RAD54B: variants seen among roughly 807,000 people sequenced by gnomAD.
RAD54B encodes RAD54 homolog B, also known as DNA repair and recombination protein RAD54B.
RAD54B carries 78 observed loss-of-function variants against 95.8 expected under a neutral mutation model. The observed-to-expected ratio is 0.81, with a 90% CI of 0.68 to 0.98. The LOEUF (loss-of-function observed/expected upper bound fraction) is 0.98. Ranked by LOEUF, RAD54B falls within the 50% of genes least tolerant of loss-of-function variation. RAD54B has a pLI of 0.00. For synonymous variants in RAD54B, 328 were observed against 354.9 expected, an observed-to-expected ratio of 0.92 and a Z score of 0.85; for missense variants, 957 against 1,056.6, an observed-to-expected ratio of 0.91 and a Z score of 1.31.
At chr8:94,391,956 T>A (rs1811034397) in intron 9 of RAD54B, 57 bp from the exon 10 acceptor site, 1 of 1,412,614 alleles carries the variant, frequency 7.1e-7, no homozygotes, top group African/African-American at 1.4e-5. Context: ...ACACTTAAAA[T>A]GAACATTAAA....
At chr8:94,400,708 T>C (rs2130009565) in intron 6 of RAD54B, among the ~76,000 whole-genome samples, 1 of 152,340 alleles carries the variant, frequency 6.6e-6, no homozygotes, top group South Asian at 2.1e-4. Context: ...CTATTACATG[T>C]ACATATTTAG....
intron 14 of RAD54B, among the ~76,000 whole-genome samples, chr8:94,377,975 C>T (rs1157356479): frequency 1.3e-5 from 1 of 77,140 alleles, no homozygotes; most frequent in East Asian, 3.7e-4. Flanking sequence ...GACTCCGTCT[C>T]AAAAAAAAAA....
chr8:94,458,632 C>T (rs1290727002), intron 2 of RAD54B, among the ~76,000 whole-genome samples, 196 bp from the exon 3 acceptor site: 2 of 152,064 alleles, frequency 1.3e-5, no homozygotes, highest in Non-Finnish European at 2.9e-5. Context: ...TTTGGGAGGC[C>T]GAGGCGGGTG....
intron 10 of RAD54B, among the ~76,000 whole-genome samples, chr8:94,389,815 G>A (rs1484344733): frequency 1.3e-5 from 2 of 152,152 alleles, no homozygotes; most frequent in African/African-American, 4.8e-5. Context: ...TATAAATTAT[G>A]TACCCTATTT....
At chr8:94,392,764 A>ATT (rs34856809) in intron 9 of RAD54B, among the ~76,000 whole-genome samples, 4,104 of 72,518 alleles carry the variant, frequency 0.057, 197 homozygotes, top group South Asian at 0.11. Context: ...CACCTGGCTG[A>ATT]TTTTTTTTTT....
chr8:94,409,662 T>C (rs1204063324), intron 4 of RAD54B, among the ~76,000 whole-genome samples: 1 of 152,058 alleles, frequency 6.6e-6, no homozygotes, highest in African/African-American at 2.4e-5. Context: ...CACTACACCC[T>C]TAAAAGCACC....
intron 11 of RAD54B, 54 bp from the exon 12 acceptor site, chr8:94,380,460 TTC>T: frequency 4.6e-6 from 7 of 1,513,722 alleles, no homozygotes; most frequent in Non-Finnish European, 6.2e-6. Flanking sequence ...GCATTAGATT[TTC>T]TTAGTTGAAA....
At chr8:94,438,312 G>A (rs995908141) in intron 3 of RAD54B, among the ~76,000 whole-genome samples, 9 of 152,180 alleles carry the variant, frequency 5.9e-5, no homozygotes, top group South Asian at 4.1e-4. Flanking sequence ...GATGTTCTAC[G>A]GAATGCTAGA....
chr8:94,429,584 A>G, intron 3 of RAD54B: 1 of 983,404 alleles, frequency 1.0e-6, no homozygotes, highest in Non-Finnish European at 1.2e-6. Flanking sequence ...ATTTCAAAAA[A>G]TAAAGCTTAC....
At chr8:94,465,466 C>A (rs950708198) in intron 2 of RAD54B, among the ~76,000 whole-genome samples, 1 of 152,142 alleles carries the variant, frequency 6.6e-6, no homozygotes, top group Non-Finnish European at 1.5e-5. Context: ...TACCACTTCA[C>A]AACTACTGAG....
chr8:94,411,398 A>G (rs774069822), intron 3 of RAD54B, 83 bp from the exon 4 acceptor site: 32 of 1,038,610 alleles, frequency 3.1e-5, no homozygotes, highest in Non-Finnish European at 4.2e-5. Context: ...ACCAAAAGGC[A>G]CAAGAAAATT....
intron 3 of RAD54B, among the ~76,000 whole-genome samples, chr8:94,425,774 C>T (rs1239674213): frequency 5.3e-5 from 8 of 149,582 alleles, no homozygotes; most frequent in African/African-American, 2.0e-4. Flanking sequence ...CATATTTCTT[C>T]AATACCTCAT....
chr8:94,391,914 C>A lies in RAD54B; in HGVS notation c.1519-15G>T. 6.3e-7 allele frequency: 1 copy of A among 1,583,872 alleles called. No homozygotes were observed. Among genetic ancestry groups the A allele is most frequent in the South Asian group, 1.2e-5 (1 of 85,126 alleles). ...TCCTTTTCTTCCTATGGAAAAATAGCAGACTTAAATGAAAGTGTTATAGAC... is the reference window on the plus strand; with the variant it reads ...TCCTTTTCTTCCTATGGAAAAATAGAAGACTTAAATGAAAGTGTTATAGAC... On this transcript the variant is annotated splice_polypyrimidine_tract_variant and intron_variant, in intron 9 of 14. Coordinates refer to ENST00000336148, the MANE Select transcript of RAD54B (RefSeq NM_012415.3).
Position 94,391,649 on chromosome 8 carries a change from T to G in RAD54B, c.1769A>C (p.Lys590Thr). 1 of 1,613,810 alleles carries G rather than the reference T, an allele frequency of 6.2e-7. No individual in the cohort carries two copies. Among genetic ancestry groups the G allele is most frequent in the Non-Finnish European group, 8.5e-7 (1 of 1,179,968 alleles). ...CAAAAGGCAGGGGTGATTGCACAGT[T>G]TTTTAAGAGCTCCTATACATATTAG... is the stretch of plus-strand genomic sequence containing the variant. ...PHLICIGALK[K>T]LCNHPCLLFN... The change falls in exon 10 of 15, where the codon AAA becomes ACA. Residue 590 changes from lysine (K) to threonine (T), a missense_variant. Coordinates refer to ENST00000336148, the MANE Select transcript of RAD54B (RefSeq NM_012415.3).
At chr8:94,422,381 G>A (rs1336377937) in intron 3 of RAD54B, among the ~76,000 whole-genome samples, 2 of 151,182 alleles carry the variant, frequency 1.3e-5, no homozygotes, top group Admixed American at 6.6e-5. Flanking sequence ...GAGGTCAGGA[G>A]TTTGAGACCA....
chr8:94,388,152 A>G (rs1182611236), intron 10 of RAD54B, among the ~76,000 whole-genome samples: 1 of 152,130 alleles, frequency 6.6e-6, no homozygotes, highest in Non-Finnish European at 1.5e-5. Context: ...CCTTGAACAC[A>G]TGGGTTTGAA....
At chr8:94,436,250 C>T (rs1353728328) in intron 3 of RAD54B, among the ~76,000 whole-genome samples, 1 of 152,092 alleles carries the variant, frequency 6.6e-6, no homozygotes, top group East Asian at 1.9e-4. Context: ...TTATTCCTCC[C>T]TAACCTTTAC....
chr8:94,383,557 A>G (rs1214907643), intron 11 of RAD54B, among the ~76,000 whole-genome samples: 1 of 152,222 alleles, frequency 6.6e-6, no homozygotes, highest in Non-Finnish European at 1.5e-5. Context: ...ACTACAGTAT[A>G]CTGTTATGAT....
chr8:94,455,961 G>C (rs945910470), intron 3 of RAD54B, among the ~76,000 whole-genome samples: 3 of 152,148 alleles, frequency 2.0e-5, no homozygotes, highest in African/African-American at 4.8e-5. Context: ...CCAAGGCTTA[G>C]GACTTTAACA....
Sources: gnomAD v4.1 joint callset for allele counts (sites outside exome capture counted in the v4.1 genomes callset) on GRCh38, gnomAD v4.1.1 for gene constraint, MANE v1.5 for transcripts, NCBI Gene and HGNC (gene_info 2026-07-23, HGNC 2026-07-21) for gene names.